Variants in MLLT10 observed in about 807,000 individuals in gnomAD.
MLLT10 encodes protein AF-10.
A neutral mutation model predicts 129.1 loss-of-function variants in MLLT10; 30 were observed. The ratio of observed to expected loss-of-function variants is 0.23; its 90% CI spans 0.17 to 0.32. The LOEUF is 0.32. Among genes scored for constraint, MLLT10 ranks in the 10% least tolerant of loss-of-function variants. The probability of loss-of-function intolerance (pLI) is 1.00; values close to 1 mark genes in which losing one functional copy is unlikely to be tolerated. For missense variants in MLLT10, 1,119 were observed against 1,268.3 expected (o/e 0.88, Z 1.79); for synonymous variants, 490 against 446.4 (o/e 1.10, Z -1.23).
rs192184327 is a variant in MLLT10, at chr10:21,695,096, T to A, written c.1699+12839T>A. 1.4e-4 allele frequency among the ~76,000 whole-genome samples: 19 copies of A among 138,412 alleles called. No homozygotes were observed. In the East Asian group the frequency reaches 4.0e-3, roughly 29 times the overall value. The allele number at this position is 138,412 out of a possible 152,430, so 90.8% of individuals were successfully genotyped here. On this transcript the variant is annotated intron_variant, in intron 13 of 22. Coordinates refer to ENST00000307729, the MANE Select transcript of MLLT10 (RefSeq NM_001195626.3). Reference sequence around the variant, plus strand: ...TTTTTTTTTTTGTTTGGAGACAGAGTCTTCCTCTGTCGTCCAAGGCTGGAG... The same window carrying A: ...TTTTTTTTTTTGTTTGGAGACAGAGACTTCCTCTGTCGTCCAAGGCTGGAG...
intron 21 of MLLT10, among the ~76,000 whole-genome samples, chr10:21,736,254 C>G (rs995639402): frequency 1.3e-5 from 2 of 152,038 alleles, no homozygotes; most frequent in Non-Finnish European, 2.9e-5. Context: ...ATAGTATGGG[C>G]TACGTATTGA....
Position 21,699,602 on chromosome 10 carries a change from A to G in MLLT10, c.1700-14170A>G, listed in dbSNP as rs529788408. On this transcript the variant is annotated intron_variant, in intron 13 of 22. Transcript: ENST00000307729. The stretch of plus-strand genomic sequence containing the variant: ...CTATTCTTTTGCATACAGATATCCA[A>G]TTTTCCCAGCACCATTTTTTGAAGA... Among the ~76,000 whole-genome samples, 4 of 151,638 alleles carry G rather than the reference A, an allele frequency of 2.6e-5. No individual in the cohort carries two copies. The East Asian group carries it at 7.7e-4, about 29-fold the overall frequency.
chr10:21,548,678 T>C (rs2036492970), intron 3 of MLLT10, among the ~76,000 whole-genome samples: 1 of 152,162 alleles, frequency 6.6e-6, no homozygotes, highest in South Asian at 2.1e-4. Context: ...CTTTCTGTCT[T>C]ATCTTTGCAT....
chr10:21,575,961 C>G (rs975037950), intron 3 of MLLT10, among the ~76,000 whole-genome samples: 23 of 151,886 alleles, frequency 1.5e-4, no homozygotes, highest in African/African-American at 5.6e-4. Flanking sequence ...AGGTTTTACT[C>G]TGTCACCCAG....
At chr10:21,702,449 T>C (rs1413905954) in intron 13 of MLLT10, among the ~76,000 whole-genome samples, 1 of 152,242 alleles carries the variant, frequency 6.6e-6, no homozygotes, top group African/African-American at 2.4e-5. Context: ...CCATTTGGTC[T>C]AAAGTCTAGT....
At chr10:21,634,663 A>G (rs191301283) in intron 8 of MLLT10, among the ~76,000 whole-genome samples, 82 of 152,332 alleles carry the variant, frequency 5.4e-4, no homozygotes, top group African/African-American at 1.2e-3. Flanking sequence ...GTTTCTATCA[A>G]TGCTTCCATA....
At chr10:21,596,831 G>T (rs2043062029) in intron 5 of MLLT10, among the ~76,000 whole-genome samples, 1 of 151,912 alleles carries the variant, frequency 6.6e-6, no homozygotes, top group Non-Finnish European at 1.5e-5. Context: ...TTTGCTGTGT[G>T]TGTTTTTTCC....
chr10:21,709,877 A>G (rs1196166655), intron 13 of MLLT10, among the ~76,000 whole-genome samples: 5 of 152,038 alleles, frequency 3.3e-5, no homozygotes, highest in Admixed American at 6.5e-5. Flanking sequence ...AGCTGGGACT[A>G]CAGGCACACA....
intron 22 of MLLT10, among the ~76,000 whole-genome samples, chr10:21,740,869 T>G (rs1451695710): frequency 2.6e-5 from 4 of 152,174 alleles, no homozygotes; most frequent in Non-Finnish European, 5.9e-5. Flanking sequence ...TTAGGTCTAC[T>G]TTACTGGAGT....
intron 8 of MLLT10, among the ~76,000 whole-genome samples, chr10:21,629,074 C>T (rs2046759047): frequency 6.6e-6 from 1 of 151,652 alleles, no homozygotes; most frequent in Admixed American, 6.6e-5. Flanking sequence ...ATGACTTACT[C>T]ACATGGTTGA....
chr10:21,662,952 T>C (rs1161358685), intron 9 of MLLT10, among the ~76,000 whole-genome samples: 1 of 152,208 alleles, frequency 6.6e-6, no homozygotes, highest in Non-Finnish European at 1.5e-5. Context: ...GGATGATGGT[T>C]AGAGTCGCCT....
chr10:21,615,654 CATTT>C (rs2045181446), intron 7 of MLLT10, among the ~76,000 whole-genome samples: 1 of 151,856 alleles, frequency 6.6e-6, no homozygotes, highest in Non-Finnish European at 1.5e-5. Context: ...TACTATTACC[CATTT>C]ATTTATTTTC....
chr10:21,535,289 G>A (rs1346280632), intron 2 of MLLT10, among the ~76,000 whole-genome samples: 1 of 152,186 alleles, frequency 6.6e-6, no homozygotes, highest in Non-Finnish European at 1.5e-5. Context: ...CGGGAACGCG[G>A]CGCCAGTGTG....
chr10:21,536,362 T>C (rs1413503698), intron 2 of MLLT10, among the ~76,000 whole-genome samples: 2 of 152,210 alleles, frequency 1.3e-5, no homozygotes, highest in Non-Finnish European at 2.9e-5. Flanking sequence ...TGAAGGCCAA[T>C]GAATTTCTTA....
chr10:21,642,854 A>G (rs2048149523), intron 8 of MLLT10, among the ~76,000 whole-genome samples: 1 of 152,084 alleles, frequency 6.6e-6, no homozygotes, highest in Non-Finnish European at 1.5e-5. Context: ...GAATTTTCTT[A>G]AGAAATCAGG....
At chr10:21,738,523 T>G (rs1343541244) in intron 21 of MLLT10, 1 of 1,287,556 alleles carries the variant, frequency 7.8e-7, no homozygotes, top group Admixed American at 2.3e-5. Flanking sequence ...TGTCGTGGGC[T>G]AAAGTTTGTT....
chr10:21,596,875 G>A (rs948275010), intron 5 of MLLT10, among the ~76,000 whole-genome samples: 8 of 151,682 alleles, frequency 5.3e-5, no homozygotes, highest in Admixed American at 5.3e-4. Flanking sequence ...ATTTTGTTAC[G>A]TCTTCATAGC....
chr10:21,659,893 T>A (rs2049990055), intron 9 of MLLT10, among the ~76,000 whole-genome samples: 1 of 152,166 alleles, frequency 6.6e-6, no homozygotes, highest in Admixed American at 6.5e-5. Context: ...TTCGTTTCTT[T>A]GGAGCTTACC....
At chr10:21,692,484 A>G (rs1280083566) in intron 13 of MLLT10, among the ~76,000 whole-genome samples, 1 of 151,886 alleles carries the variant, frequency 6.6e-6, no homozygotes, top group East Asian at 1.9e-4. Flanking sequence ...GTTCTGCCAC[A>G]TCTTTCTTTT....
Sources: allele counts gnomAD v4.1 joint callset (sites outside exome capture counted in the v4.1 genomes callset), GRCh38; gene constraint gnomAD v4.1.1; transcripts MANE v1.5; gene names NCBI Gene and HGNC (gene_info 2026-07-23, HGNC 2026-07-21).